Variants in SYTL2 observed in about 807,000 individuals in gnomAD.
SYTL2 encodes the protein synaptotagmin like 2.
A neutral mutation model predicts 198.7 loss-of-function variants in SYTL2; 165 were observed. The observed-to-expected ratio is 0.83, with a 90% confidence interval of 0.73 to 0.94. The LOEUF is 0.94. Among genes scored for constraint, SYTL2 ranks in the 40% least tolerant of loss-of-function variants. The pLI, the probability that SYTL2 is intolerant of heterozygous loss-of-function variation, is 0.00. For synonymous variants in SYTL2, 966 were observed against 917.7 expected, an observed-to-expected ratio of 1.05 and a Z score of -0.95; for missense variants, 2,835 against 2,582.8, an observed-to-expected ratio of 1.10 and a Z score of -2.12.
intron 1 of SYTL2, among the ~76,000 whole-genome samples, chr11:85,809,067 G>T (rs1026373286): frequency 3.9e-5 from 6 of 152,198 alleles, no homozygotes; most frequent in African/African-American, 1.4e-4. Context: ...TGAAGATGGT[G>T]GAACCTGGGC....
chr11:85,753,779 A>AG (rs2091695072), intron 2 of SYTL2, among the ~76,000 whole-genome samples: 1 of 151,598 alleles, frequency 6.6e-6, no homozygotes, highest in East Asian at 1.9e-4. Flanking sequence ...AAAAAAAAAA[A>AG]AAAAAAAAAA....
chr11:85,805,109 T>C (rs1449213669), intron 1 of SYTL2, among the ~76,000 whole-genome samples: 1 of 152,174 alleles, frequency 6.6e-6, no homozygotes, highest in Non-Finnish European at 1.5e-5. Flanking sequence ...ATGACAATAG[T>C]TGCAGTCTTG....
intron 4 of SYTL2, among the ~76,000 whole-genome samples, chr11:85,738,075 A>G (rs2153501458): frequency 6.6e-6 from 1 of 152,314 alleles, no homozygotes; most frequent in East Asian, 1.9e-4. Context: ...TCACAGAGTC[A>G]GGAGCTTGGA....
At chr11:85,740,394 C>T (rs1458904426) in intron 4 of SYTL2, among the ~76,000 whole-genome samples, 1 of 152,188 alleles carries the variant, frequency 6.6e-6, no homozygotes, top group African/African-American at 2.4e-5. Context: ...TTATATCAAC[C>T]TGGCTAGGAG....
At position 85,725,000 on chromosome 11, in the gene SYTL2, TG is replaced by T; in HGVS notation, c.4357del (p.Gln1453LysfsTer31). On this transcript the variant is annotated frameshift_variant, in exon 8 of 20. Coordinates refer to ENST00000359152, the MANE Select transcript of SYTL2 (RefSeq NM_206927.4). LOFTEE classifies it high-confidence loss of function. ...THEVGSYLAA[Q>X]MSPSDQTLSS... The stretch of plus-strand genomic sequence containing the variant: ...AAGCGTCTGGTCTGATGGAGACATT[TG>T]GGCAGCTAAATAAGATCCAACTTCA... 3 of 1,614,094 alleles carry T rather than the reference TG, an allele frequency of 1.9e-6. No homozygotes were observed.
intron 1 of SYTL2, among the ~76,000 whole-genome samples, chr11:85,791,166 CAAAAAAAAAAA>C (rs568061365): frequency 6.3e-4 from 25 of 39,530 alleles, no homozygotes; most frequent in South Asian, 3.8e-3. Context: ...GAGTCTGCCT[CAAAAAAAAAAA>C]AAAAAAAAAA....
chr11:85,714,035 T>C (rs1010227199), intron 12 of SYTL2, among the ~76,000 whole-genome samples: 1 of 152,226 alleles, frequency 6.6e-6, no homozygotes, highest in Non-Finnish European at 1.5e-5. Flanking sequence ...TGTTACTTTA[T>C]TAACAAACAC....
At chr11:85,756,590 A>G (rs1003852294) in intron 2 of SYTL2, among the ~76,000 whole-genome samples, 1 of 152,184 alleles carries the variant, frequency 6.6e-6, no homozygotes, top group African/African-American at 2.4e-5. Context: ...GGGTAATTAT[A>G]TCCCACTCCA....
intron 4 of SYTL2, among the ~76,000 whole-genome samples, chr11:85,744,883 T>C (rs974649876): frequency 3.9e-5 from 6 of 152,134 alleles, no homozygotes; most frequent in African/African-American, 1.4e-4. Context: ...TCATTATGGC[T>C]CAAAAGGTTT....
At chr11:85,791,311 C>T (rs1013752982) in intron 1 of SYTL2, among the ~76,000 whole-genome samples, 1 of 151,840 alleles carries the variant, frequency 6.6e-6, no homozygotes, top group African/African-American at 2.4e-5. Context: ...AAAGAAAGAG[C>T]CCTCACTCAG....
chr11:85,699,154 A>C (rs753762170), intron 17 of SYTL2, among the ~76,000 whole-genome samples: 2 of 152,250 alleles, frequency 1.3e-5, no homozygotes, highest in Non-Finnish European at 2.9e-5. Flanking sequence ...TTCAAATAAA[A>C]TGATAAAAAT....
chr11:85,735,088 A>G (rs943789062), intron 6 of SYTL2, among the ~76,000 whole-genome samples: 1 of 152,246 alleles, frequency 6.6e-6, no homozygotes, highest in African/African-American at 2.4e-5. Flanking sequence ...CACGTGTAAC[A>G]AATGTACCAT....
chr11:85,730,726 A>G (rs1047817612), intron 7 of SYTL2, among the ~76,000 whole-genome samples: 52 of 152,264 alleles, frequency 3.4e-4, no homozygotes, highest in African/African-American at 1.2e-3. Flanking sequence ...TCAACATAGT[A>G]TTGGAAGTTC....
chr11:85,815,323 A>T (rs964982141), upstream of SYTL2, among the ~76,000 whole-genome samples: 4 of 152,250 alleles, frequency 2.6e-5, no homozygotes, highest in Non-Finnish European at 5.9e-5. Context: ...TATATCTGGC[A>T]TGGTAATGTG....
At chr11:85,717,343 C>T (rs561416425) in intron 11 of SYTL2, 140 bp downstream of exon 11, 14 of 666,822 alleles carry the variant, frequency 2.1e-5, no homozygotes, top group South Asian at 3.7e-5. Flanking sequence ...AAACCCTTAT[C>T]GTAATGAAAT....
the SYTL2 span, among the ~76,000 whole-genome samples, chr11:85,852,377 C>A: frequency 2.1e-4 from 32 of 152,126 alleles, no homozygotes; most frequent in African/African-American, 7.5e-4. Context: ...TCCCTCTCCC[C>A]ACGGTCTCCC....
the SYTL2 span, among the ~76,000 whole-genome samples, chr11:85,845,905 ACT>A: frequency 1.1e-3 from 166 of 152,184 alleles, no homozygotes; most frequent in Non-Finnish European, 1.6e-3. Flanking sequence ...ACAGAGCAAG[ACT>A]CTGTCTCAAA....
chr11:85,796,296 T>G (rs1330130008), intron 1 of SYTL2, among the ~76,000 whole-genome samples: 1 of 152,180 alleles, frequency 6.6e-6, no homozygotes, highest in Non-Finnish European at 1.5e-5. Context: ...AAAGGATGAT[T>G]CACGTTAAAC....
At chr11:85,844,558 G>A in the SYTL2 span, among the ~76,000 whole-genome samples, 28 of 152,184 alleles carry the variant, frequency 1.8e-4, no homozygotes, top group Non-Finnish European at 3.5e-4. Context: ...ACTTCCTGGT[G>A]TGGAGGTGGG....
Sources: gnomAD v4.1 joint callset for allele counts (sites outside exome capture counted in the v4.1 genomes callset) on GRCh38, gnomAD v4.1.1 for gene constraint, MANE v1.5 for transcripts, NCBI Gene and HGNC (gene_info 2026-07-23, HGNC 2026-07-21) for gene names.